The following ANO6 variants were observed in gnomAD, a reference collection of about 807,000 sequenced individuals.
ANO6 encodes the protein anoctamin 6, also known as anoctamin-6.
Under a neutral mutation model 117.5 loss-of-function variants are expected in ANO6, and 106 were observed. The ratio of observed to expected loss-of-function variants is 0.90; its 90% CI spans 0.77 to 1.06. ANO6 has a LOEUF of 1.06. Ranked by LOEUF, ANO6 falls within the 50% of genes least tolerant of loss-of-function variation. The probability of loss-of-function intolerance (pLI) is 0.00; values close to 1 mark genes in which losing one functional copy is unlikely to be tolerated. For synonymous variants in ANO6, 367 were observed against 385.1 expected, an observed-to-expected ratio of 0.95 and a Z score of 0.55; for missense variants, 955 against 1,121.1, an observed-to-expected ratio of 0.85 and a Z score of 2.12.
At chr12:45,253,944 G>A (rs183900674) in intron 1 of ANO6, among the ~76,000 whole-genome samples, 13 of 152,240 alleles carry the variant, frequency 8.5e-5, no homozygotes, top group Admixed American at 2.6e-4. Context: ...CAAGGTGGGC[G>A]GATCATGAGG....
chr12:45,327,061 T>A (rs1940492010), intron 2 of ANO6, among the ~76,000 whole-genome samples: 1 of 152,172 alleles, frequency 6.6e-6, no homozygotes, highest in Admixed American at 6.6e-5. Flanking sequence ...CTCAGTTACC[T>A]GTGTGGTTTT....
intron 8 of ANO6, among the ~76,000 whole-genome samples, chr12:45,366,333 C>T (rs1941685252): frequency 6.6e-6 from 1 of 151,892 alleles, no homozygotes; most frequent in South Asian, 2.1e-4. Context: ...ATGCAATTCT[C>T]CTTACTCTGA....
intron 16 of ANO6, among the ~76,000 whole-genome samples, chr12:45,415,786 C>T (rs1943198002): frequency 6.6e-6 from 1 of 152,194 alleles, no homozygotes; most frequent in South Asian, 2.1e-4. Context: ...CCCTTCCTGA[C>T]AGAGTCATCC....
intron 7 of ANO6, among the ~76,000 whole-genome samples, chr12:45,352,778 T>A (rs1209630139): frequency 1.3e-5 from 2 of 152,058 alleles, no homozygotes. Flanking sequence ...GGATTCAGAT[T>A]TCCCTTATTG....
At chr12:45,269,354 T>C (rs1418972652) in intron 1 of ANO6, among the ~76,000 whole-genome samples, 3 of 152,202 alleles carry the variant, frequency 2.0e-5, no homozygotes, top group Non-Finnish European at 2.9e-5. Context: ...TAATGAATAG[T>C]CTTCTTCTAA....
intron 1 of ANO6, among the ~76,000 whole-genome samples, chr12:45,254,634 T>C (rs1398349259): frequency 6.6e-6 from 1 of 152,230 alleles, no homozygotes; most frequent in Non-Finnish European, 1.5e-5. Context: ...TTTTTTAAAA[T>C]TTGGCTAATC....
intron 9 of ANO6, among the ~76,000 whole-genome samples, chr12:45,373,074 A>G (rs2137526944): frequency 6.6e-6 from 1 of 152,248 alleles, no homozygotes; most frequent in Non-Finnish European, 1.5e-5. Flanking sequence ...AGTCTCTGAT[A>G]AAACAGACTT....
chr12:45,266,466 G>GT (rs1268686228), intron 1 of ANO6, among the ~76,000 whole-genome samples: 1 of 152,082 alleles, frequency 6.6e-6, no homozygotes, highest in East Asian at 1.9e-4. Flanking sequence ...TTCCATACTT[G>GT]TTTTAAACAT....
intron 1 of ANO6, among the ~76,000 whole-genome samples, chr12:45,269,383 G>T (rs867284152): frequency 1.3e-5 from 2 of 152,294 alleles, no homozygotes; most frequent in African/African-American, 4.8e-5. Context: ...TTACTTCCCT[G>T]CAGAATCCAG....
chr12:45,426,414 A>G (rs967810759), intron 19 of ANO6, among the ~76,000 whole-genome samples: 1 of 151,810 alleles, frequency 6.6e-6, no homozygotes, highest in African/African-American at 2.4e-5. Context: ...GTCCTGCTTC[A>G]CTTCTCTTTT....
At chr12:45,409,308 C>G in intron 15 of ANO6, 49 bp from the exon 16 acceptor site, 1 of 1,608,168 alleles carries the variant, frequency 6.2e-7, no homozygotes, top group South Asian at 1.1e-5. Flanking sequence ...TTTTTATGAC[C>G]TTGGCCTGAT....
chr12:45,256,598 T>C (rs965784734), intron 1 of ANO6: 3 of 152,216 alleles, frequency 2.0e-5, no homozygotes, highest in Non-Finnish European at 4.4e-5. Flanking sequence ...CACAAACTCT[T>C]GCTATTATAA....
In ANO6 at chr12:45,431,379, C is replaced by G. The variant is rs1943628895; in HGVS notation, c.*2068C>G. The G allele has an allele frequency of 1.9e-5, 19 of 985,360 alleles. No homozygotes were observed. The highest frequency in any genetic ancestry group is 2.3e-5 in the Non-Finnish European group (19 of 829,926). The allele number at this position is 985,360 out of a possible 1,614,324, so 61.0% of individuals were successfully genotyped here. On this transcript the variant is annotated 3_prime_UTR_variant, in exon 20 of 20. Transcript: ENST00000320560. ...ACTATCTCCTAGTGTTTAAATTTGG[C>G]AGTTACTCGCCATGTATGTCAGCAT...
In ANO6 at chr12:45,331,295, G is replaced by A; in HGVS notation, c.151G>A (p.Glu51Lys). ...SQHDFRTPEF[E>K]EFNGKPDSLF... ...CAATTTGTTTTTCTGTTTTACACAG[G>A]AAGAATTTAATGGAAAACCTGACTC... The change falls in exon 3 of 20, where the codon GAA (glutamate) becomes AAA (lysine). Residue 51 changes from glutamate (E) to lysine (K), a missense_variant and splice_region_variant. By Grantham distance (56) the Glu-to-Lys change is moderately conservative. Coordinates refer to ENST00000320560, the MANE Select transcript of ANO6 (RefSeq NM_001025356.3). 6.2e-7 allele frequency: 1 copy of A among 1,607,260 alleles called. No individual in the cohort carries two copies. The highest frequency in any genetic ancestry group is 1.1e-5 in the South Asian group (1 of 89,810).
At chr12:45,379,453 C>G (rs1565734410) in intron 10 of ANO6, among the ~76,000 whole-genome samples, 2 of 152,200 alleles carry the variant, frequency 1.3e-5, no homozygotes, top group African/African-American at 2.4e-5. Flanking sequence ...ATATTTGACC[C>G]ATAGAAGAAT....
chr12:45,415,685 C>T (rs112484484), intron 16 of ANO6, among the ~76,000 whole-genome samples: 4 of 152,352 alleles, frequency 2.6e-5, no homozygotes, highest in African/African-American at 9.6e-5. Context: ...ATCCTTCTAG[C>T]CCTGTCTGCT....
At chr12:45,369,623 GA>G (rs373646690) in intron 9 of ANO6, among the ~76,000 whole-genome samples, 29 of 148,168 alleles carry the variant, frequency 2.0e-4, no homozygotes, top group Admixed American at 7.4e-4. Flanking sequence ...GGACTAAATG[GA>G]AAAAAAAAAG....
intron 9 of ANO6, among the ~76,000 whole-genome samples, chr12:45,371,842 C>T (rs1287339426): frequency 7.2e-5 from 11 of 152,270 alleles, no homozygotes; most frequent in Middle Eastern, 3.4e-3. Context: ...TCACCAGCAA[C>T]GGAACAAAGC....
chr12:45,423,145 CAT>C (rs1283033575), intron 19 of ANO6, 83 bp downstream of exon 19: 3 of 979,750 alleles, frequency 3.1e-6, no homozygotes, highest in Non-Finnish European at 5.0e-6. Context: ...CCATACTTAA[CAT>C]GTGTGATACT....
Sources: gnomAD v4.1 joint callset for allele counts (sites outside exome capture counted in the v4.1 genomes callset) on GRCh38, gnomAD v4.1.1 for gene constraint, MANE v1.5 for transcripts, NCBI Gene and HGNC (gene_info 2026-07-23, HGNC 2026-07-21) for gene names.